Variants in INS observed in about 807,000 individuals in gnomAD.
The protein encoded by INS is preproinsulin.
INS carries 6 observed loss-of-function variants against 10.5 expected under a neutral mutation model. The observed-to-expected ratio is 0.57, with a 90% CI of 0.31 to 1.13. The LOEUF (loss-of-function observed/expected upper bound fraction) is 1.13. Among genes scored for constraint, INS ranks in the 50% most tolerant of loss-of-function variants. The pLI is 0.05. For synonymous variants in INS, 71 were observed against 62.7 expected (o/e 1.13, Z -0.63); for missense variants, 109 against 138.6 (o/e 0.79, Z 1.07).
intron 2 of INS, among the ~76,000 whole-genome samples, 173 bp downstream of exon 2, chr11:2,160,612 A>G (rs1374629199): frequency 1.3e-5 from 2 of 152,204 alleles, no homozygotes; most frequent in African/African-American, 4.8e-5. Context: ...TGACTGGGCC[A>G]CAGGGAGCTG....
In INS at chr11:2,160,013, G is replaced by T. The variant is rs5507; in HGVS notation, c.188-16C>A. ...ACCTGCCCCACTGCCAGGACGTGCCGCGCAGAGCAGGTTCCGGAACAGCGG... is the reference window on the plus strand; with the variant it reads ...ACCTGCCCCACTGCCAGGACGTGCCTCGCAGAGCAGGTTCCGGAACAGCGG... On this transcript the variant is annotated splice_polypyrimidine_tract_variant and intron_variant, in intron 2 of 2. Transcript: ENST00000381330. 3.8e-6 allele frequency: 6 copies of T among 1,571,182 alleles called. No homozygotes were observed. The highest frequency in any genetic ancestry group is 2.7e-5 in the African/African-American group (2 of 74,476).
intron 2 of INS, 42 bp from the exon 3 acceptor site, chr11:2,160,039 C>T (rs528460061): frequency 5.8e-6 from 9 of 1,548,452 alleles, no homozygotes; most frequent in South Asian, 3.5e-5. Flanking sequence ...GGAACAGCGG[C>T]GAGGCAGAGG....
chr11:2,159,914 T>A lies in INS; in HGVS notation c.271A>T (p.Ile91Phe). The A allele has an allele frequency of 6.2e-7, 1 of 1,605,886 alleles. No homozygotes were observed. The highest frequency in any genetic ancestry group is 1.1e-5 in the South Asian group (1 of 89,246). ...ATGCTGGTACAGCATTGTTCCACAA[T>A]GCCACGCTTCTGCAGGGACCCCTCC... ...ALEGSLQKRG[I>F]VEQCCTSICS... Residue 91 changes from isoleucine to phenylalanine, a missense_variant, in exon 3 of 3, where the codon ATT (isoleucine) becomes TTT (phenylalanine). Ile to Phe is a conservative substitution (Grantham distance 21). Coordinates refer to ENST00000381330, the MANE Select transcript of INS (RefSeq NM_000207.3).
chr11:2,161,142 C>A, intron 1 of INS, 26 bp downstream of exon 1: 1 of 908,430 alleles, frequency 1.1e-6, no homozygotes, highest in Admixed American at 2.7e-5. Flanking sequence ...CTGAGCCCAC[C>A]TGACGCAAAG....
Position 2,160,874 on chromosome 11 carries a change from G to T in INS, c.98C>A (p.Ser33Ter). ...TAGGTAGAGAGCTTCCACCAGGTGT[G>T]AGCCGCACAGGTGTTGGTTCACAAA... ...AAFVNQHLCG[S>*]HLVEALYLVC... The change falls in exon 2 of 3, where the codon TCA becomes TAA. Residue 33 changes from serine to a stop codon, truncating the protein, a stop_gained. Transcript: ENST00000381330. LOFTEE classifies it high-confidence loss of function. 6.2e-7 allele frequency: 1 copy of T among 1,612,716 alleles called. No homozygotes were observed. Among genetic ancestry groups the T allele is most frequent in the Non-Finnish European group, 8.5e-7 (1 of 1,179,846 alleles).
At position 2,159,827 on chromosome 11, in the gene INS, G is replaced by A. The variant is rs369040062; in HGVS notation, c.*25C>T. 4.6e-5 allele frequency: 74 copies of A among 1,609,008 alleles called. No individual in the cohort carries two copies. The highest frequency in any genetic ancestry group is 5.9e-5 in the Non-Finnish European group (69 of 1,178,452). The stretch of plus-strand genomic sequence containing the variant: ...TCTCTCTCGGTGCAGGAGGCGGCGG[G>A]TGTGGGGCTGCCTGCGGGCTGCGTC... On this transcript the variant is annotated 3_prime_UTR_variant, in exon 3 of 3. Transcript: ENST00000381330.
At chr11:2,160,331 C>T (rs143384003) in intron 2 of INS, among the ~76,000 whole-genome samples, 101 of 152,328 alleles carry the variant, frequency 6.6e-4, no homozygotes, top group African/African-American at 2.4e-3. Flanking sequence ...TGAGGCCTGG[C>T]GACAGGGGTC....
Position 2,159,807 on chromosome 11 carries a change from C to G in INS, c.*45G>C, listed in dbSNP as rs763029961. The G allele has an allele frequency of 1.0e-5, 16 of 1,601,052 alleles. No homozygotes were observed. The East Asian group carries it at 3.4e-4, about 34-fold the overall frequency. On this transcript the variant is annotated 3_prime_UTR_variant, in exon 3 of 3. Transcript: ENST00000381330. Reference sequence around the variant, plus strand: ...GGTTCAAGGGCTTTATTCCATCTCTCTCGGTGCAGGAGGCGGCGGGTGTGG... The same window carrying G: ...GGTTCAAGGGCTTTATTCCATCTCTGTCGGTGCAGGAGGCGGCGGGTGTGG...
At position 2,160,955 on chromosome 11, in the gene INS, C is replaced by T. The variant is rs121908259; in HGVS notation, c.17G>A (p.Arg6His). 9.9e-5 allele frequency: 159 copies of T among 1,612,270 alleles called. No individual in the cohort carries two copies. Among genetic ancestry groups the T allele is most frequent in the African/African-American group, 5.7e-4 (43 of 74,912 alleles). Residue 6 changes from arginine to histidine, a missense_variant, in exon 2 of 3, where the codon CGC becomes CAC. Arg to His is a conservative substitution (Grantham distance 29, BLOSUM62 0). Around this residue, in one of 2 missense-constraint regions of INS, gnomAD observed 108 missense variants for 118.0 expected, o/e 0.92. Coordinates refer to ENST00000381330, the MANE Select transcript of INS (RefSeq NM_000207.3). ...CAGCAGCGCCAGCAGGGGCAGGAGG[C>T]GCATCCACAGGGCCATGGCAGAAGG... MALWMRLLPLLALLAL... is the reference protein window; with the variant it reads MALWMHLLPLLALLAL...
chr11:2,160,170 T>C (rs971651299), intron 2 of INS, among the ~76,000 whole-genome samples, 173 bp from the exon 3 acceptor site: 1 of 152,090 alleles, frequency 6.6e-6, no homozygotes, highest in Admixed American at 6.5e-5. Flanking sequence ...CCACACTGGG[T>C]GTGGACCTAC....
In INS at chr11:2,160,974, CAGA is replaced by C. The variant is rs1564912459; in HGVS notation, c.-6_-4del. 9.3e-6 allele frequency: 15 copies of C among 1,612,116 alleles called. No homozygotes were observed. The highest frequency in any genetic ancestry group is 1.1e-5 in the Non-Finnish European group (13 of 1,179,736). On this transcript the variant is annotated 5_prime_UTR_variant, in exon 2 of 3. Transcript: ENST00000381330. ...AGGAGGCGCATCCACAGGGCCATGGCAGAAGGACAGTGATCTGGGAGACAGGCA... is the reference window on the plus strand; with the variant it reads ...AGGAGGCGCATCCACAGGGCCATGGCAGGACAGTGATCTGGGAGACAGGCA...
In INS at chr11:2,160,907, G is replaced by C; in HGVS notation, c.65C>G (p.Ala22Gly). 6.2e-7 allele frequency: 1 copy of C among 1,612,660 alleles called. No individual in the cohort carries two copies. Among genetic ancestry groups the C allele is most frequent in the Non-Finnish European group, 8.5e-7 (1 of 1,179,854 alleles). ...CAGGTGTTGGTTCACAAAGGCTGCG[G>C]CTGGGTCAGGTCCCCAGAGGGCCAG... ...ALLALWGPDP[A>G]AAFVNQHLCG... Residue 22 changes from alanine (A) to glycine (G), a missense_variant, in exon 2 of 3, where the codon GCC (alanine) becomes GGC (glycine). Around this residue, in one of 2 missense-constraint regions of INS, gnomAD observed 108 missense variants for 118.0 expected, o/e 0.92. Coordinates refer to ENST00000381330, the MANE Select transcript of INS (RefSeq NM_000207.3).
chr11:2,160,471 C>T (rs1030666720), intron 2 of INS, among the ~76,000 whole-genome samples: 5 of 152,128 alleles, frequency 3.3e-5, no homozygotes, highest in African/African-American at 4.8e-5. Flanking sequence ...CTTGAATCTG[C>T]GGTCATCAAA....
Position 2,159,828 on chromosome 11 carries a change from T to TG in INS, c.*23dup, listed in dbSNP as rs1182184549. 7.5e-6 allele frequency: 12 copies of TG among 1,607,538 alleles called. No homozygotes were observed. The highest frequency in any genetic ancestry group is 1.0e-5 in the Non-Finnish European group (12 of 1,177,948). ...CTCTCTCGGTGCAGGAGGCGGCGGGTGTGGGGCTGCCTGCGGGCTGCGTCT... is the reference window on the plus strand; with the variant it reads ...CTCTCTCGGTGCAGGAGGCGGCGGGTGGTGGGGCTGCCTGCGGGCTGCGTCT... On this transcript the variant is annotated 3_prime_UTR_variant, in exon 3 of 3. Coordinates refer to ENST00000381330, the MANE Select transcript of INS (RefSeq NM_000207.3).
In INS at chr11:2,160,921, C is replaced by T; in HGVS notation, c.51G>A (p.Trp17Ter). 6.2e-7 allele frequency: 1 copy of T among 1,612,600 alleles called. No individual in the cohort carries two copies. The highest frequency in any genetic ancestry group is 8.5e-7 in the Non-Finnish European group (1 of 1,179,824). The change falls in exon 2 of 3, where the codon TGG (tryptophan) becomes TGA (stop). Residue 17 changes from tryptophan to a stop codon, truncating the protein, a stop_gained. Coordinates refer to ENST00000381330, the MANE Select transcript of INS (RefSeq NM_000207.3). LOFTEE classifies it high-confidence loss of function. ...LLPLLALLAL[W>*]GPDPAAAFVN... ...CAAAGGCTGCGGCTGGGTCAGGTCCCCAGAGGGCCAGCAGCGCCAGCAGGG... is the reference window on the plus strand; with the variant it reads ...CAAAGGCTGCGGCTGGGTCAGGTCCTCAGAGGGCCAGCAGCGCCAGCAGGG...
chr11:2,160,873 T>C lies in INS; in HGVS notation c.99A>G (p.Ser33=). ...CTAGGTAGAGAGCTTCCACCAGGTG[T>C]GAGCCGCACAGGTGTTGGTTCACAA... The part of the protein sequence containing the change: ...AAFVNQHLCG[S]HLVEALYLVC... The change falls in exon 2 of 3, where the codon TCA becomes TCG. Residue 33 remains serine, a synonymous_variant. Transcript: ENST00000381330. 1 of 1,612,660 alleles carries C rather than the reference T, an allele frequency of 6.2e-7. No individual in the cohort carries two copies. The highest frequency in any genetic ancestry group is 2.2e-5 in the East Asian group (1 of 44,862).
At position 2,161,161 on chromosome 11, in the gene INS, A is replaced by G. The variant is rs1376711866; in HGVS notation, c.-18+7T>C. On this transcript the variant is annotated splice_region_variant and intron_variant, in intron 1 of 2. Transcript: ENST00000381330. Reference sequence around the variant, plus strand: ...GCCCACCTGACGCAAAGGCCCTTGGAACAGACCTGCTTGATGGCCTCTTCT... The same window carrying G: ...GCCCACCTGACGCAAAGGCCCTTGGGACAGACCTGCTTGATGGCCTCTTCT... The G allele has an allele frequency of 2.7e-6, 2 of 739,660 alleles. No homozygotes were observed. Among genetic ancestry groups the G allele is most frequent in the Non-Finnish European group, 4.3e-6 (2 of 468,330 alleles). 45.8% of individuals were successfully genotyped at this position (739,660 alleles called of 1,614,324 possible).
At position 2,160,937 on chromosome 11, in the gene INS, G is replaced by T. The variant is rs777079520; in HGVS notation, c.35C>A (p.Ala12Glu). Residue 12 changes from alanine (A) to glutamate (E), a missense_variant, in exon 2 of 3, where the codon GCG (alanine) becomes GAG (glutamate). Physicochemically the swap from Ala to Glu is moderately radical, Grantham distance 107. Transcript: ENST00000381330. ...GTCAGGTCCCCAGAGGGCCAGCAGC[G>T]CCAGCAGGGGCAGGAGGCGCATCCA... ...ALWMRLLPLL[A>E]LLALWGPDPA... is the part of the protein sequence containing the mutation. The T allele has an allele frequency of 2.5e-6, 4 of 1,612,570 alleles. No individual in the cohort carries two copies. Among genetic ancestry groups the T allele is most frequent in the Non-Finnish European group, 3.4e-6 (4 of 1,179,808 alleles).
chr11:2,160,804 C>T lies in INS; in HGVS notation c.168G>A (p.Arg56=). 6.2e-7 allele frequency: 1 copy of T among 1,612,380 alleles called. No homozygotes were observed. The highest frequency in any genetic ancestry group is 8.5e-7 in the Non-Finnish European group (1 of 1,179,614). Residue 56 remains arginine, a synonymous_variant, in exon 2 of 3, where the codon CGG becomes CGA. Transcript: ENST00000381330. ...RGFFYTPKTR[R]EAEDLQVGQV... is the part of the protein sequence containing the mutation. ...GCTCACCCTGCAGGTCCTCTGCCTC[C>T]CGGCGGGTCTTGGGTGTGTAGAAGA... is the stretch of plus-strand genomic sequence containing the variant.
Sources: gnomAD v4.1 joint callset for allele counts (sites outside exome capture counted in the v4.1 genomes callset) on GRCh38, gnomAD v4.1.1 for gene constraint, gnomAD v4.1.1 regional missense constraint, MANE v1.5 for transcripts, NCBI Gene and HGNC (gene_info 2026-07-23, HGNC 2026-07-21) for gene names.